Variants in RBMS1 observed in about 807,000 individuals in gnomAD.
RBMS1 encodes the protein RNA-binding motif, single-stranded-interacting protein 1.
In RBMS1, 17 loss-of-function variants were observed where a neutral mutation model predicts 62.3. That is an observed-to-expected ratio of 0.27 (90% confidence interval 0.19 to 0.41). The LOEUF (loss-of-function observed/expected upper bound fraction) is 0.41, where lower values mean the gene tolerates loss of function less well. RBMS1 is among the 10% of genes least tolerant of loss of function. RBMS1 has a pLI of 1.00. For missense variants in RBMS1, 334 were observed against 504.5 expected (o/e 0.66, Z 3.24); for synonymous variants, 172 against 170.0 (o/e 1.01, Z -0.09).
intron 1 of RBMS1, among the ~76,000 whole-genome samples, chr2:160,465,227 T>C (rs779592412): frequency 6.6e-6 from 1 of 152,238 alleles, no homozygotes; most frequent in African/African-American, 2.4e-5. Flanking sequence ...TCATTATGAT[T>C]GTACTTCCAA....
At chr2:160,298,357 G>T (rs923268407) in intron 6 of RBMS1, among the ~76,000 whole-genome samples, 1 of 152,046 alleles carries the variant, frequency 6.6e-6, no homozygotes, top group Non-Finnish European at 1.5e-5. Flanking sequence ...TAAGGTAACT[G>T]AGGTCAGGCA....
At chr2:160,385,877 G>T (rs1490383548) in intron 1 of RBMS1, among the ~76,000 whole-genome samples, 3 of 152,152 alleles carry the variant, frequency 2.0e-5, no homozygotes, top group African/African-American at 7.2e-5. Flanking sequence ...ATGGATGCTG[G>T]CTATATTGGT....
In RBMS1 at chr2:160,415,025, C is replaced by A. The variant is rs565294076; in HGVS notation, c.76-47634G>T. ...CAAAATAAGTAAACTATTTGGGATA[C>A]CAAGACAAAGAGAAGGTCCATTTTT... On this transcript the variant is annotated intron_variant, in intron 1 of 13. Coordinates refer to ENST00000348849, the MANE Select transcript of RBMS1 (RefSeq NM_016836.4). 2.6e-5 allele frequency among the ~76,000 whole-genome samples: 4 copies of A among 151,928 alleles called. No individual in the cohort carries two copies. In the South Asian group the frequency reaches 6.2e-4, roughly 24 times the overall value.
chr2:160,424,230 G>T (rs1304468338), intron 1 of RBMS1, among the ~76,000 whole-genome samples: 1 of 151,808 alleles, frequency 6.6e-6, no homozygotes, highest in African/African-American at 2.4e-5. Context: ...TGTTGGCCAG[G>T]CTGGTCTCAA....
At chr2:160,358,742 G>A (rs78410847) in intron 2 of RBMS1, among the ~76,000 whole-genome samples, 2,159 of 152,038 alleles carry the variant, frequency 0.014, 62 homozygotes, top group African/African-American at 0.048. Flanking sequence ...CACTTTTTGG[G>A]AAGACTAAAA....
At chr2:160,482,930 G>A (rs1685427817) in intron 1 of RBMS1, among the ~76,000 whole-genome samples, 1 of 152,134 alleles carries the variant, frequency 6.6e-6, no homozygotes, top group African/African-American at 2.4e-5. Context: ...AAATTTTGAA[G>A]GCTCAAAGGA....
intron 1 of RBMS1, among the ~76,000 whole-genome samples, chr2:160,417,479 G>T (rs1174997768): frequency 6.6e-6 from 1 of 152,112 alleles, no homozygotes; most frequent in Non-Finnish European, 1.5e-5. Context: ...TATTTTTTGG[G>T]TAAAAGAGAA....
At chr2:160,487,526 A>G (rs950090526) in intron 1 of RBMS1, among the ~76,000 whole-genome samples, 5 of 152,190 alleles carry the variant, frequency 3.3e-5, no homozygotes, top group African/African-American at 4.8e-5. Context: ...AATACAATTG[A>G]TTGGCTAGTG....
chr2:160,417,782 A>G (rs1474509319), intron 1 of RBMS1, among the ~76,000 whole-genome samples: 1 of 152,210 alleles, frequency 6.6e-6, no homozygotes, highest in East Asian at 1.9e-4. Context: ...TCTATTCATA[A>G]CCTTGGCTTT....
chr2:160,433,670 C>T (rs1682996689), intron 1 of RBMS1, among the ~76,000 whole-genome samples: 1 of 152,172 alleles, frequency 6.6e-6, no homozygotes, highest in Non-Finnish European at 1.5e-5. Flanking sequence ...TTTGGTAAGC[C>T]ACACTGCCTA....
intron 1 of RBMS1, chr2:160,492,930 G>A (rs995338695): frequency 4.0e-5 from 9 of 223,450 alleles, no homozygotes; most frequent in Non-Finnish European, 6.1e-5. Context: ...CGGGCCACCA[G>A]CGGATCCAGA....
intron 6 of RBMS1, among the ~76,000 whole-genome samples, chr2:160,287,571 A>G (rs1161731722): frequency 6.6e-6 from 1 of 152,382 alleles, no homozygotes; most frequent in East Asian, 1.9e-4. Context: ...CACAATTTGT[A>G]ACAATTGGTG....
intron 5 of RBMS1, 151 bp from the exon 6 acceptor site, chr2:160,300,881 T>G: frequency 1.2e-6 from 1 of 846,658 alleles, no homozygotes; most frequent in Middle Eastern, 4.0e-4. Context: ...TTCTACCTTT[T>G]ATCTAACTGC....
At chr2:160,443,939 G>C (rs1683529328) in intron 1 of RBMS1, among the ~76,000 whole-genome samples, 1 of 152,080 alleles carries the variant, frequency 6.6e-6, no homozygotes, top group African/African-American at 2.4e-5. Flanking sequence ...AACTCTACTT[G>C]TAGAGTTTCT....
intron 1 of RBMS1, among the ~76,000 whole-genome samples, chr2:160,434,624 C>A (rs993481149): frequency 1.3e-5 from 2 of 152,136 alleles, no homozygotes; most frequent in African/African-American, 4.8e-5. Flanking sequence ...AGCTAATGGG[C>A]ACTTGAAATA....
intron 5 of RBMS1, among the ~76,000 whole-genome samples, chr2:160,301,530 T>C (rs551213684): frequency 1.3e-5 from 2 of 152,328 alleles, no homozygotes; most frequent in African/African-American, 4.8e-5. Context: ...AATTCTCTCT[T>C]TGGATACAGA....
At chr2:160,275,230 A>G (rs1375090663) in intron 13 of RBMS1, among the ~76,000 whole-genome samples, 2 of 152,252 alleles carry the variant, frequency 1.3e-5, no homozygotes, top group Non-Finnish European at 2.9e-5. Context: ...CTAAATTCAT[A>G]ATCAAGATGT....
At chr2:160,357,976 GTA>G (rs1491449824) in intron 2 of RBMS1, among the ~76,000 whole-genome samples, 1 of 152,040 alleles carries the variant, frequency 6.6e-6, no homozygotes, top group African/African-American at 2.4e-5. Context: ...ACATACCTTG[GTA>G]TGTCAAAGAA....
intron 2 of RBMS1, among the ~76,000 whole-genome samples, chr2:160,347,289 T>G (rs1447707405): frequency 1.3e-5 from 2 of 152,112 alleles, no homozygotes; most frequent in East Asian, 3.9e-4. Flanking sequence ...TCAACATAAC[T>G]GCTCACAAGA....
Sources: gnomAD v4.1 joint callset for allele counts (sites outside exome capture counted in the v4.1 genomes callset) on GRCh38, gnomAD v4.1.1 for gene constraint, MANE v1.5 for transcripts, NCBI Gene and HGNC (gene_info 2026-07-23, HGNC 2026-07-21) for gene names.